The following APOL1 variants were observed in gnomAD, a reference collection of about 807,000 sequenced individuals.
APOL1 encodes the protein apolipoprotein L1, also known as apolipoprotein L 1.
In APOL1, 17 loss-of-function variants were observed where a neutral mutation model predicts 14.9. The observed-to-expected ratio is 1.14, with a 90% CI of 0.78 to 1.71. The LOEUF is 1.71. APOL1 is among the 40% of genes most tolerant of loss of function. The pLI, the probability that APOL1 is intolerant of heterozygous loss-of-function variation, is 0.00. For synonymous variants in APOL1, 195 were observed against 184.8 expected (o/e 1.05, Z -0.45); for missense variants, 523 against 485.9 (o/e 1.08, Z -0.72).
chr22:36,265,424 G>A lies in APOL1; in HGVS notation c.588G>A (p.Leu196=). 6.2e-7 allele frequency: 1 copy of A among 1,614,124 alleles called. No individual in the cohort carries two copies. Among genetic ancestry groups the A allele is most frequent in the Non-Finnish European group, 8.5e-7 (1 of 1,180,028 alleles). Residue 196 remains leucine, a synonymous_variant, in exon 6 of 6, where the codon CTG becomes CTA. Transcript: ENST00000397278. Reference sequence around the variant, plus strand: ...TCCTGACCCTCGTCGGCATGGGTCTGGCACCCTTCACAGAGGGAGGCAGCC... The same window carrying A: ...TCCTGACCCTCGTCGGCATGGGTCTAGCACCCTTCACAGAGGGAGGCAGCC... ...SGILTLVGMG[L]APFTEGGSLV... is the part of the protein sequence containing the mutation.
intron 4 of APOL1, chr22:36,259,953 A>G: frequency 8.1e-7 from 1 of 1,232,028 alleles, no homozygotes; most frequent in Non-Finnish European, 1.1e-6. Context: ...GACCACAGGC[A>G]TTTTCAAAAC....
At position 36,263,172 on chromosome 22, in the gene APOL1, A is replaced by T. The variant is rs527336703; in HGVS notation, c.314+1450A>T. On this transcript the variant is annotated intron_variant, in intron 5 of 5. Transcript: ENST00000397278. The stretch of plus-strand genomic sequence containing the variant: ...GGGTGCAGGTGGTAGGTCAGGAGGC[A>T]GTAAGGTGGCTGGAGCGTCCATGTG... Among the ~76,000 whole-genome samples the T allele has an allele frequency of 1.1e-4, 17 of 152,318 alleles. No homozygotes were observed. The South Asian group carries it at 3.5e-3, about 32-fold the overall frequency.
At chr22:36,261,823 C>T in intron 5 of APOL1, 101 bp downstream of exon 5, 1 of 1,424,878 alleles carries the variant, frequency 7.0e-7, no homozygotes, top group Admixed American at 2.1e-5. Flanking sequence ...CCAGGCAGCC[C>T]CCTCTGCTGG....
chr22:36,256,885 C>T lies in APOL1; in HGVS notation c.45-198C>T, dbSNP rs136148. ...GCCTGTGTGTGATCATCGAATGAGA[C>T]ACATGTAAGAGGCTCTGCACATCGC... On this transcript the variant is annotated intron_variant, in intron 2 of 5. Coordinates refer to ENST00000397278, the MANE Select transcript of APOL1 (RefSeq NM_003661.4). Among the ~76,000 whole-genome samples the T allele has an allele frequency of 0.74, 112,205 of 152,080 alleles. 41,917 individuals carry two copies. The highest frequency in any genetic ancestry group is 0.84 in the African/African-American group (34,801 of 41,474).
Position 36,261,690 on chromosome 22 carries a change from G to A in APOL1, c.282G>A (p.Trp94Ter). Residue 94 changes from tryptophan to a stop codon, truncating the protein, a stop_gained, in exon 5 of 6, where the codon TGG (tryptophan) becomes TGA (stop). Transcript: ENST00000397278. LOFTEE classifies it low-confidence loss of function (END_TRUNC). The part of the protein sequence containing the change: ...LLLLLTDNEA[W>*]NGFVAAAELP... ...TCCTGCTGACTGATAATGAGGCCTG[G>A]AACGGATTCGTGGCTGCTGCTGAAC... 1.9e-6 allele frequency: 3 copies of A among 1,614,054 alleles called. No homozygotes were observed. The highest frequency in any genetic ancestry group is 2.5e-6 in the Non-Finnish European group (3 of 1,179,936).
intron 4 of APOL1, chr22:36,257,704 G>GT: frequency 3.3e-6 from 1 of 305,268 alleles, no homozygotes; most frequent in Non-Finnish European, 6.3e-6. Context: ...AGCGGGGGGG[G>GT]GGGGGAGTGT....
chr22:36,261,967 G>C (rs1022999140), intron 5 of APOL1, among the ~76,000 whole-genome samples: 1 of 152,230 alleles, frequency 6.6e-6, no homozygotes, highest in South Asian at 2.1e-4. Flanking sequence ...CTGGTGATGG[G>C]AACTTTGCCA....
intron 4 of APOL1, 100 bp from the exon 5 acceptor site, chr22:36,261,496 C>A (rs1360149521): frequency 7.5e-7 from 1 of 1,324,760 alleles, no homozygotes; most frequent in Non-Finnish European, 1.1e-6. Flanking sequence ...TCCCACATCA[C>A]AGCTGTCCAG....
intron 5 of APOL1, among the ~76,000 whole-genome samples, chr22:36,261,943 A>C (rs2016089782): frequency 6.6e-6 from 1 of 152,206 alleles, no homozygotes; most frequent in Admixed American, 6.5e-5. Flanking sequence ...GAACAGGGTC[A>C]TTTCTGCCAT....
intron 1 of APOL1, chr22:36,253,799 C>G: frequency 1.3e-6 from 1 of 763,422 alleles, no homozygotes; most frequent in Non-Finnish European, 2.2e-6. Flanking sequence ...GATCATAGGA[C>G]TCCACGTCTC....
chr22:36,255,362 A>C (rs1236590920), intron 2 of APOL1, among the ~76,000 whole-genome samples: 6 of 152,244 alleles, frequency 3.9e-5, no homozygotes, highest in African/African-American at 7.2e-5. Context: ...CTGTGTCCTC[A>C]TGGCTCATGA....
intron 2 of APOL1, among the ~76,000 whole-genome samples, chr22:36,256,815 G>T (rs568687056): frequency 1.3e-5 from 2 of 152,324 alleles, no homozygotes; most frequent in Admixed American, 1.3e-4. Flanking sequence ...CCTAACTTTT[G>T]TGGATTCCTC....
chr22:36,265,387 T>C lies in APOL1; in HGVS notation c.551T>C (p.Ile184Thr). Reference sequence around the variant, plus strand: ...AATGTGGTGTCTGGCTCTCTCAGCATTTCCTCTGGCATCCTGACCCTCGTC... The same window carrying C: ...AATGTGGTGTCTGGCTCTCTCAGCACTTCCTCTGGCATCCTGACCCTCGTC... ...IANVVSGSLS[I>T]SSGILTLVGM... The change falls in exon 6 of 6, where the codon ATT becomes ACT. Residue 184 changes from isoleucine (I) to threonine (T), a missense_variant. Coordinates refer to ENST00000397278, the MANE Select transcript of APOL1 (RefSeq NM_003661.4). 6.2e-7 allele frequency: 1 copy of C among 1,612,804 alleles called. No homozygotes were observed. The highest frequency in any genetic ancestry group is 1.7e-4 in the Middle Eastern group (1 of 6,060).
At chr22:36,260,429 C>T (rs557264468) in intron 4 of APOL1, among the ~76,000 whole-genome samples, 9 of 152,214 alleles carry the variant, frequency 5.9e-5, no homozygotes, top group East Asian at 1.9e-4. Flanking sequence ...TGTGTGTGCA[C>T]GGCAAGAAAC....
chr22:36,265,898 C>A lies in APOL1; in HGVS notation c.1062C>A (p.Tyr354Ter), dbSNP rs760511001. The change falls in exon 6 of 6, where the codon TAC becomes TAA. Residue 354 changes from tyrosine to a stop codon, truncating the protein, a stop_gained. Transcript: ENST00000397278. LOFTEE classifies it low-confidence loss of function (END_TRUNC). ...TGCTGGATGTAGTCTACCTCGTGTA[C>A]GAATCAAAGCACTTACATGAGGGGG... ...FLVLDVVYLVYESKHLHEGAK... is the reference protein window; with the variant it reads ...FLVLDVVYLV 2.5e-6 allele frequency: 4 copies of A among 1,614,082 alleles called. No homozygotes were observed. Among genetic ancestry groups the A allele is most frequent in the Non-Finnish European group, 2.5e-6 (3 of 1,180,026 alleles).
chr22:36,259,969 G>T, intron 4 of APOL1: 1 of 1,202,790 alleles, frequency 8.3e-7, no homozygotes, highest in East Asian at 5.9e-5. Flanking sequence ...AAAACATAAG[G>T]AGTTTTAATG....
At chr22:36,258,189 C>T (rs2015956608) in intron 4 of APOL1, among the ~76,000 whole-genome samples, 1 of 152,168 alleles carries the variant, frequency 6.6e-6, no homozygotes, top group South Asian at 2.1e-4. Flanking sequence ...CTGCCCTGCC[C>T]ATCACAAGCA....
At position 36,259,721 on chromosome 22, in the gene APOL1, C is replaced by A. The variant is rs754344874; in HGVS notation, c.188-1875C>A. On this transcript the variant is annotated intron_variant, in intron 4 of 5. Transcript: ENST00000397278. ...GAGAGCCGTGTACCCTGAGACCAGC[C>A]TGCAGAGGACAGAGGCAACATGGAG... 1.2e-5 allele frequency: 16 copies of A among 1,304,174 alleles called. No homozygotes were observed. The South Asian group carries it at 2.0e-4, about 16-fold the overall frequency. 80.8% of individuals were successfully genotyped at this position (1,304,174 alleles called of 1,614,324 possible).
Position 36,256,697 on chromosome 22 carries a change from A to G in APOL1, c.45-386A>G, listed in dbSNP as rs552584588. Among the ~76,000 whole-genome samples, 307 of 152,364 alleles carry G rather than the reference A, an allele frequency of 2.0e-3. 3 individuals carry two copies. The highest frequency in any genetic ancestry group is 7.0e-3 in the African/African-American group (290 of 41,574). On this transcript the variant is annotated intron_variant, in intron 2 of 5. Transcript: ENST00000397278. ...GGAGTCATTTACCATGAGCGTGTAT[A>G]CATGACTCAATATTGTATATTTAAG... is the stretch of plus-strand genomic sequence containing the variant.
Sources: gnomAD v4.1 joint callset for allele counts (sites outside exome capture counted in the v4.1 genomes callset) on GRCh38, gnomAD v4.1.1 for gene constraint, MANE v1.5 for transcripts, NCBI Gene and HGNC (gene_info 2026-07-23, HGNC 2026-07-21) for gene names.